SHISA9: variants seen among roughly 807,000 people sequenced by gnomAD.
SHISA9 encodes shisa family member 9, also known as protein shisa-9.
SHISA9 carries 13 observed loss-of-function variants against 38.0 expected under a neutral mutation model. The observed-to-expected ratio is 0.34, with a 90% CI of 0.22 to 0.54. The LOEUF is 0.54. SHISA9 is among the 20% of genes least tolerant of loss of function. The pLI, the probability that SHISA9 is intolerant of heterozygous loss-of-function variation, is 0.91. For missense variants in SHISA9, 538 were observed against 575.8 expected, an observed-to-expected ratio of 0.93 and a Z score of 0.67; for synonymous variants, 275 against 242.0, an observed-to-expected ratio of 1.14 and a Z score of -1.27.
the SHISA9 span, among the ~76,000 whole-genome samples, chr16:13,517,724 A>G: frequency 1.3e-5 from 2 of 152,254 alleles, no homozygotes; most frequent in Non-Finnish European, 2.9e-5. Context: ...CAGATTCTAT[A>G]TTACCTCCCA....
At chr16:13,163,768 G>T (rs987027092) in intron 2 of SHISA9, among the ~76,000 whole-genome samples, 8 of 151,818 alleles carry the variant, frequency 5.3e-5, no homozygotes, top group Non-Finnish European at 1.2e-4. Context: ...ATGGTATTTT[G>T]TTAAATTTCA....
At chr16:13,298,887 C>T in the SHISA9 span, among the ~76,000 whole-genome samples, 8 of 152,134 alleles carry the variant, frequency 5.3e-5, no homozygotes, top group African/African-American at 1.9e-4. Flanking sequence ...CAGAAGGGCA[C>T]GTGTAGTTTC....
intron 2 of SHISA9, among the ~76,000 whole-genome samples, chr16:13,194,504 A>C (rs570747423): frequency 1.4e-4 from 21 of 152,304 alleles, no homozygotes; most frequent in Admixed American, 3.3e-4. Flanking sequence ...TCTCATAAGG[A>C]TGCCTGGGAT....
chr16:12,958,650 A>G lies in SHISA9; in HGVS notation c.691+41835A>G, dbSNP rs565330787. Among the ~76,000 whole-genome samples the G allele has an allele frequency of 2.6e-5, 4 of 152,350 alleles. No individual in the cohort carries two copies. The East Asian group carries it at 5.8e-4, about 22-fold the overall frequency. On this transcript the variant is annotated intron_variant, in intron 2 of 4. Coordinates refer to ENST00000558583, the MANE Select transcript of SHISA9 (RefSeq NM_001145204.3). ...TATGATGCTGTCTTATATTTGCAATAGGCTTTTACAGTTTTCAAAGCCCTT... is the reference window on the plus strand; with the variant it reads ...TATGATGCTGTCTTATATTTGCAATGGGCTTTTACAGTTTTCAAAGCCCTT...
intron 2 of SHISA9, among the ~76,000 whole-genome samples, chr16:13,076,663 A>G (rs1199560222): frequency 3.3e-5 from 5 of 152,152 alleles, no homozygotes; most frequent in Non-Finnish European, 7.4e-5. Flanking sequence ...TCTCTCCTCC[A>G]GTACCTCCAA....
At chr16:13,229,462 A>G (rs550831915) in intron 4 of SHISA9, among the ~76,000 whole-genome samples, 44 of 152,262 alleles carry the variant, frequency 2.9e-4, no homozygotes, top group African/African-American at 1.0e-3. Flanking sequence ...AAACACCCCT[A>G]TGTGCTGGAA....
chr16:13,500,156 G>C, the SHISA9 span, among the ~76,000 whole-genome samples: 1 of 152,190 alleles, frequency 6.6e-6, no homozygotes, highest in East Asian at 1.9e-4. Context: ...TCTTGTGATA[G>C]TGAGTGAGTT....
intron 2 of SHISA9, among the ~76,000 whole-genome samples, chr16:13,017,631 A>G (rs993510992): frequency 1.3e-5 from 2 of 152,186 alleles, no homozygotes; most frequent in Non-Finnish European, 2.9e-5. Context: ...AATGCTTTCC[A>G]TGGATTATCT....
chr16:13,352,265 G>A, the SHISA9 span, among the ~76,000 whole-genome samples: 2 of 152,172 alleles, frequency 1.3e-5, no homozygotes, highest in African/African-American at 4.8e-5. Flanking sequence ...ATAAAATCTG[G>A]AGCAGAAATA....
At chr16:13,083,934 G>A (rs2073682648) in intron 2 of SHISA9, among the ~76,000 whole-genome samples, 2 of 152,144 alleles carry the variant, frequency 1.3e-5, no homozygotes, top group African/African-American at 2.4e-5. Flanking sequence ...CAAAGCGGGA[G>A]GGAGGCAGGA....
At chr16:13,242,005 A>G (rs538721327), downstream of SHISA9, among the ~76,000 whole-genome samples, 1 of 152,318 alleles carries the variant, frequency 6.6e-6, no homozygotes, top group South Asian at 2.1e-4. Context: ...TATAACTCAT[A>G]AACAACAACA....
intron 2 of SHISA9, among the ~76,000 whole-genome samples, chr16:12,954,694 G>A (rs367918843): frequency 9.9e-5 from 15 of 152,140 alleles, no homozygotes; most frequent in South Asian, 8.3e-4. Context: ...ATATTCTGTG[G>A]AATAAATACT....
intron 2 of SHISA9, among the ~76,000 whole-genome samples, chr16:12,934,443 T>A (rs145117351): frequency 3.3e-5 from 5 of 152,232 alleles, no homozygotes; most frequent in Non-Finnish European, 5.9e-5. Flanking sequence ...CCATTTACAT[T>A]TATGTTCATC....
intron 2 of SHISA9, among the ~76,000 whole-genome samples, chr16:13,003,868 TAATAATA>T (rs755370251): frequency 7.3e-5 from 10 of 136,360 alleles, no homozygotes; most frequent in African/African-American, 2.2e-4. Flanking sequence ...AAAATAATAA[TAATAATA>T]ATAATAATAA....
intron 2 of SHISA9, among the ~76,000 whole-genome samples, chr16:12,943,188 G>A (rs1056309830): frequency 6.6e-6 from 1 of 151,966 alleles, no homozygotes; most frequent in Admixed American, 6.6e-5. Context: ...TGGTTGGTCA[G>A]GGTTCAGGTA....
chr16:12,931,516 C>A (rs1053412556), intron 2 of SHISA9, among the ~76,000 whole-genome samples: 6 of 152,188 alleles, frequency 3.9e-5, no homozygotes, highest in Non-Finnish European at 7.3e-5. Flanking sequence ...TTAGATCCCA[C>A]TTATAAGTGA....
the SHISA9 span, among the ~76,000 whole-genome samples, chr16:13,560,418 C>G: frequency 6.6e-6 from 1 of 152,060 alleles, no homozygotes; most frequent in Non-Finnish European, 1.5e-5. Context: ...GGTATCAGCA[C>G]CTGAAGAATT....
chr16:13,379,287 G>A, the SHISA9 span, among the ~76,000 whole-genome samples: 1 of 152,220 alleles, frequency 6.6e-6, no homozygotes, highest in African/African-American at 2.4e-5. Flanking sequence ...TGGGAAAGGA[G>A]AACAAAGTTT....
At chr16:13,227,626 T>C (rs895377094) in intron 4 of SHISA9, among the ~76,000 whole-genome samples, 1 of 152,362 alleles carries the variant, frequency 6.6e-6, no homozygotes, top group East Asian at 1.9e-4. Context: ...AATCTTAGAT[T>C]ATTTTTCTGT....
Sources: gnomAD v4.1 joint callset for allele counts (sites outside exome capture counted in the v4.1 genomes callset) on GRCh38, gnomAD v4.1.1 for gene constraint, MANE v1.5 for transcripts, NCBI Gene and HGNC (gene_info 2026-07-23, HGNC 2026-07-21) for gene names.